The following OPLAH variants were observed in gnomAD, a reference collection of about 807,000 sequenced individuals.
OPLAH encodes 5-oxoprolinase.
A neutral mutation model predicts 122.8 loss-of-function variants in OPLAH; 103 were observed. The observed-to-expected ratio is 0.84, with a 90% CI of 0.71 to 0.99. OPLAH has a LOEUF of 0.99. Among genes scored for constraint, OPLAH ranks in the 50% least tolerant of loss-of-function variants. The pLI is 0.00. For missense variants in OPLAH, 1,902 were observed against 1,836.5 expected (o/e 1.04, Z -0.65); for synonymous variants, 875 against 796.0 (o/e 1.10, Z -1.67).
Position 144,055,259 on chromosome 8 carries a change from C to A in OPLAH, c.2249-70G>T. On this transcript the variant is annotated intron_variant, in intron 16 of 26. Transcript: ENST00000618853. This position sits in a 1 kb window ranked among gnomAD's most constrained non-coding sequence, Gnocchi z 6.5. ...AGCCTGGCCCCAGGAAAGGGAGGAA[C>A]AGGACCCACCAGGACTCAAACCCAG... 3 of 1,418,334 alleles carry A rather than the reference C, an allele frequency of 2.1e-6. No individual in the cohort carries two copies. The South Asian group carries it at 4.7e-5, about 22-fold the overall frequency. The allele number at this position is 1,418,334 out of a possible 1,614,324, so 87.9% of individuals were successfully genotyped here.
Position 144,057,881 on chromosome 8 carries a change from G to GA in OPLAH, c.1130_1131insT (p.Gly379ArgfsTer17). 1 of 1,612,166 alleles carries GA rather than the reference G, an allele frequency of 6.2e-7. No homozygotes were observed. The highest frequency in any genetic ancestry group is 8.5e-7 in the Non-Finnish European group (1 of 1,179,640). On this transcript the variant is annotated frameshift_variant, in exon 9 of 27. Coordinates refer to ENST00000618853, the MANE Select transcript of OPLAH (RefSeq NM_017570.5). LOFTEE classifies it high-confidence loss of function. ...CTTTGCGGTAGCAGGCGGGTCCTGGGTGGGCTCCTGCTGACTCGGGCCCAA... is the reference window on the plus strand; with the variant it reads ...CTTTGCGGTAGCAGGCGGGTCCTGGGATGGGCTCCTGCTGACTCGGGCCCAA...
At chr8:144,051,673 G>A (rs1268625372) in intron 26 of OPLAH, 56 bp downstream of exon 26, 12 of 1,117,932 alleles carry the variant, frequency 1.1e-5, no homozygotes, top group Admixed American at 6.6e-5. Context: ...CCCTCTGTGG[G>A]ATGGGGCCGG....
rs1283867787 is a variant in OPLAH, at chr8:144,055,106, G to T, written c.2332C>A (p.Pro778Thr). 1.9e-6 allele frequency: 3 copies of T among 1,584,972 alleles called. No homozygotes were observed. The highest frequency in any genetic ancestry group is 2.6e-6 in the Non-Finnish European group (3 of 1,166,130). Residue 778 changes from proline to threonine, a missense_variant, in exon 17 of 27, where the codon CCC (proline) becomes ACC (threonine). By Grantham distance (38) the Pro-to-Thr change is conservative. Transcript: ENST00000618853. This position sits in a 1 kb window ranked among gnomAD's most constrained non-coding sequence, Gnocchi z 6.5. ...GCATTGGACACCAGCCCCCCATCGG[G>T]CCCAAAGAGGGCACAGGAGAAGTCC... ...RLDFSCALFG[P>T]DGGLVSNAPH...
upstream of OPLAH, among the ~76,000 whole-genome samples, chr8:144,061,330 A>T (rs1443757193): frequency 6.6e-6 from 1 of 152,194 alleles, no homozygotes; most frequent in African/African-American, 2.4e-5. Flanking sequence ...CAGCCCGGCC[A>T]ACACGGTTGA....
intron 26 of OPLAH, 125 bp downstream of exon 26, chr8:144,051,603 GC>G: frequency 8.7e-7 from 1 of 1,150,760 alleles, no homozygotes. Flanking sequence ...CCCGGTACGC[GC>G]CCCCTTTCCT....
At chr8:144,063,224 GCGGCTCCCCCA>G (rs1164591419), upstream of OPLAH, among the ~76,000 whole-genome samples, 2 of 151,976 alleles carry the variant, frequency 1.3e-5, no homozygotes, top group African/African-American at 2.4e-5. This position sits in a 1 kb window ranked among gnomAD's most constrained non-coding sequence, Gnocchi z 4.2. Flanking sequence ...CACTCCAGCA[GCGGCTCCCCCA>G]CCCAGCGAGC....
chr8:144,058,897 C>T lies in OPLAH; in HGVS notation c.464-1G>A. ...ACTTCCAGCAGGTCCCCCGTGCGGC[C>T]TTCCAGAAAAGCCCAGGAGGCCCCG... On this transcript the variant is annotated splice_acceptor_variant, in intron 4 of 26. Transcript: ENST00000618853. LOFTEE classifies it high-confidence loss of function. 6.5e-7 allele frequency: 1 copy of T among 1,549,344 alleles called. No homozygotes were observed. Among genetic ancestry groups the T allele is most frequent in the Non-Finnish European group, 8.7e-7 (1 of 1,145,768 alleles).
chr8:144,051,942 C>T lies in OPLAH; in HGVS notation c.3596G>A (p.Arg1199His). 2 of 1,546,506 alleles carry T rather than the reference C, an allele frequency of 1.3e-6. No homozygotes were observed. The highest frequency in any genetic ancestry group is 1.7e-6 in the Non-Finnish European group (2 of 1,154,054). The stretch of plus-strand genomic sequence containing the variant: ...GTGGAGCCCGTATGGCCGGAAGGCG[C>T]GGCGCTCGGTCAGCACTGACAGCAG... ...EALLSVLTER[R>H]AFRPYGLHGG... Residue 1199 changes from arginine to histidine, a missense_variant, in exon 25 of 27, where the codon CGC (arginine) becomes CAC (histidine). Arg to His is a conservative substitution (Grantham distance 29). Coordinates refer to ENST00000618853, the MANE Select transcript of OPLAH (RefSeq NM_017570.5).
Position 144,057,686 on chromosome 8 carries a change from T to C in OPLAH, c.1184A>G (p.Asn395Ser). The stretch of plus-strand genomic sequence containing the variant: ...AGGCAGCAGGCGACCCAGGACCAGA[T>C]TAGCATCCGTCACTGTCACAGGGCC... ...KGGPVTVTDA[N>S]LVLGRLLPAS... Residue 395 changes from asparagine (N) to serine (S), a missense_variant, in exon 10 of 27, where the codon AAT (asparagine) becomes AGT (serine). Asn to Ser is a conservative substitution (Grantham distance 46, BLOSUM62 1). Coordinates refer to ENST00000618853, the MANE Select transcript of OPLAH (RefSeq NM_017570.5). 1 of 1,609,086 alleles carries C rather than the reference T, an allele frequency of 6.2e-7. No homozygotes were observed. Among genetic ancestry groups the C allele is most frequent in the Non-Finnish European group, 8.5e-7 (1 of 1,177,902 alleles).
Position 144,051,722 on chromosome 8 carries a change from C to T in OPLAH, c.3720+7G>A, listed in dbSNP as rs1554757689. The T allele has an allele frequency of 1.3e-6, 2 of 1,594,404 alleles. No individual in the cohort carries two copies. The highest frequency in any genetic ancestry group is 1.3e-5 in the African/African-American group (1 of 74,690). ...GGGAGGGGGACAGGACAGGCCGCGG[C>T]CCTTACCCCGGGGTACACGGTCACC... On this transcript the variant is annotated splice_region_variant and intron_variant, in intron 26 of 26. Coordinates refer to ENST00000618853, the MANE Select transcript of OPLAH (RefSeq NM_017570.5).
At chr8:144,058,940 C>T (rs1835600756) in intron 4 of OPLAH, 40 bp downstream of exon 4, 4 of 1,555,734 alleles carry the variant, frequency 2.6e-6, no homozygotes, top group Non-Finnish European at 3.5e-6. Flanking sequence ...CCAGCAGGAC[C>T]CTCCGGCCCC....
In OPLAH at chr8:144,057,034, C is replaced by G; in HGVS notation, c.1620G>C (p.Ala540=). The G allele has an allele frequency of 1.9e-6, 3 of 1,599,710 alleles. No individual in the cohort carries two copies. The highest frequency in any genetic ancestry group is 2.6e-6 in the Non-Finnish European group (3 of 1,174,298). The change falls in exon 12 of 27, where the codon GCG becomes GCC. Residue 540 remains alanine (A), a synonymous_variant. Transcript: ENST00000618853. ...GGTCCAGCTGCACGAAGGTCTCAGG[C>G]GCGTAGAGCAGGGAGCAGGGTTCCT... ...EAQEPCSLLY[A]PETFVQLDQR...
In OPLAH at chr8:144,051,822, G is replaced by C; in HGVS notation, c.3627C>G (p.Gly1209=). Reference sequence around the variant, plus strand: ...GGTTTAGGCCGCGGGCGCCAGGCTCGCCCCCTGCGGAGGGAGGCGAGGAGT... The same window carrying C: ...GGTTTAGGCCGCGGGCGCCAGGCTCCCCCCCTGCGGAGGGAGGCGAGGAGT... The part of the protein sequence containing the change: ...RAFRPYGLHG[G]EPGARGLNLL... The change falls in exon 26 of 27, where the codon GGC becomes GGG. Residue 1209 remains glycine (G), a synonymous_variant. Coordinates refer to ENST00000618853, the MANE Select transcript of OPLAH (RefSeq NM_017570.5). 1 of 1,345,964 alleles carries C rather than the reference G, an allele frequency of 7.4e-7. No homozygotes were observed. Among genetic ancestry groups the C allele is most frequent in the Non-Finnish European group, 9.8e-7 (1 of 1,023,536 alleles). The allele number at this position is 1,345,964 out of a possible 1,614,324, so 83.4% of individuals were successfully genotyped here.
chr8:144,051,554 C>T (rs1439793285), intron 26 of OPLAH, 82 bp from the exon 27 acceptor site: 21 of 1,248,624 alleles, frequency 1.7e-5, no homozygotes, highest in African/African-American at 6.2e-5. Context: ...CCCTCCCCAC[C>T]GGGCAGCGTC....
In OPLAH at chr8:144,057,093, C is replaced by T. The variant is rs1372673036; in HGVS notation, c.1561G>A (p.Gly521Arg). ...TGCACCACGTCAGCCAGGGCCAGCC[C>T]CAGGGCCGACAGCAGCCCACTGTGC... ...HRHSGLLSAL[G>R]LALADVVHEA... The change falls in exon 12 of 27, where the codon GGG becomes AGG. Residue 521 changes from glycine (G) to arginine (R), a missense_variant. Physicochemically the swap from Gly to Arg is moderately radical, Grantham distance 125. This residue lies in a region of OPLAH where 1,726 missense variants were observed against 1,642.1 expected (regional missense o/e 1.05). Coordinates refer to ENST00000618853, the MANE Select transcript of OPLAH (RefSeq NM_017570.5). 2.5e-6 allele frequency: 4 copies of T among 1,602,320 alleles called. No homozygotes were observed. In the Admixed American group the frequency reaches 6.9e-5, roughly 27 times the overall value.
In OPLAH at chr8:144,053,011, C is replaced by T. The variant is rs1554758092; in HGVS notation, c.2990G>A (p.Arg997His). 6.2e-7 allele frequency: 1 copy of T among 1,602,828 alleles called. No individual in the cohort carries two copies. The highest frequency in any genetic ancestry group is 8.5e-7 in the Non-Finnish European group (1 of 1,175,652). ...EDHMDDGSPIRLRVQISLSQG... is the reference protein window; with the variant it reads ...EDHMDDGSPIHLRVQISLSQG... ...ACTCAGGCTGATCTGCACACGGAGG[C>T]GGATGGGGGAACCGTCGTCCATGTG... The change falls in exon 21 of 27, where the codon CGC becomes CAC. Residue 997 changes from arginine to histidine, a missense_variant. Arg to His is a conservative substitution (Grantham distance 29, BLOSUM62 0). Coordinates refer to ENST00000618853, the MANE Select transcript of OPLAH (RefSeq NM_017570.5).
At chr8:144,061,892 CA>C (rs1554760957), upstream of OPLAH, among the ~76,000 whole-genome samples, 1 of 151,700 alleles carries the variant, frequency 6.6e-6, no homozygotes, top group East Asian at 1.9e-4. Context: ...TGGTGGCACG[CA>C]CTTGTAGTCC....
chr8:144,050,946 C>T, downstream of OPLAH: 2 of 1,033,334 alleles, frequency 1.9e-6, no homozygotes, highest in Non-Finnish European at 2.3e-6. Context: ...TACCAGGGCC[C>T]TGGAGCAGGA....
chr8:144,056,638 G>A lies in OPLAH; in HGVS notation c.1824C>T (p.Phe608=), dbSNP rs782271343. 2.8e-5 allele frequency: 45 copies of A among 1,612,130 alleles called. No homozygotes were observed. The highest frequency in any genetic ancestry group is 2.7e-4 in the South Asian group (25 of 91,080). The change falls in exon 13 of 27, where the codon TTC becomes TTT. Residue 608 remains phenylalanine, a synonymous_variant. Transcript: ENST00000618853. ...CGTACCGCTCCACAAAGGCTGCCCCGAAGTCCCCCGCACGGGGCGAGCGGG... is the reference window on the plus strand; with the variant it reads ...CGTACCGCTCCACAAAGGCTGCCCCAAAGTCCCCCGCACGGGGCGAGCGGG... The part of the protein sequence containing the change: ...ATARSPRAGD[F]GAAFVERYMR...
Sources: allele counts gnomAD v4.1 joint callset (sites outside exome capture counted in the v4.1 genomes callset), GRCh38; gene constraint gnomAD v4.1.1; regional missense constraint gnomAD v4.1.1; non-coding constraint Gnocchi (gnomAD v3.1); transcripts MANE v1.5; gene names NCBI Gene and HGNC (gene_info 2026-07-23, HGNC 2026-07-21).